FGD4: variants seen among roughly 807,000 people sequenced by gnomAD.
The protein encoded by FGD4 is FYVE, RhoGEF and PH domain containing 4.
A neutral mutation model predicts 102.0 loss-of-function variants in FGD4; 42 were observed. The ratio of observed to expected loss-of-function variants is 0.41; its 90% confidence interval spans 0.32 to 0.53. The LOEUF is 0.53. Among genes scored for constraint, FGD4 ranks in the 20% least tolerant of loss-of-function variants. The pLI, the probability that FGD4 is intolerant of heterozygous loss-of-function variation, is 0.21. For missense variants in FGD4, 902 were observed against 1,078.2 expected, an observed-to-expected ratio of 0.84 and a Z score of 2.29; for synonymous variants, 380 against 375.7, an observed-to-expected ratio of 1.01 and a Z score of -0.13.
At chr12:32,524,979 T>G (rs1049406730) in intron 1 of FGD4, among the ~76,000 whole-genome samples, 1 of 152,242 alleles carries the variant, frequency 6.6e-6, no homozygotes, top group African/African-American at 2.4e-5. Context: ...TACTAAGTTG[T>G]GTGTTTATGT....
At chr12:32,519,476 A>G (rs750930799) in intron 1 of FGD4, among the ~76,000 whole-genome samples, 1 of 152,164 alleles carries the variant, frequency 6.6e-6, no homozygotes, top group Non-Finnish European at 1.5e-5. Flanking sequence ...AAACTTACAT[A>G]CAGATCTTTT....
intron 1 of FGD4, among the ~76,000 whole-genome samples, chr12:32,420,037 C>T (rs954251001): frequency 6.6e-6 from 1 of 152,130 alleles, no homozygotes; most frequent in Non-Finnish European, 1.5e-5. Flanking sequence ...TGTGAATGCT[C>T]ACCTGATTTT....
At chr12:32,461,867 C>T (rs1207682908) in intron 1 of FGD4, among the ~76,000 whole-genome samples, 8 of 152,180 alleles carry the variant, frequency 5.3e-5, no homozygotes, top group South Asian at 2.1e-4. Flanking sequence ...GCTGGGATTA[C>T]GGGTGCCCGC....
At chr12:32,548,205 G>C (rs11052063) in intron 1 of FGD4, among the ~76,000 whole-genome samples, 63,871 of 151,916 alleles carry the variant, frequency 0.42, 15,313 homozygotes, top group African/African-American at 0.66. Flanking sequence ...GGGAGCATAC[G>C]CTAGTACCCT....
intron 1 of FGD4, among the ~76,000 whole-genome samples, chr12:32,515,647 T>C (rs1368113645): frequency 6.6e-6 from 1 of 152,276 alleles, no homozygotes; most frequent in Non-Finnish European, 1.5e-5. Context: ...TCTTTTCAGA[T>C]ATCTGCACTG....
At chr12:32,557,511 A>G (rs1299231509) in intron 1 of FGD4, among the ~76,000 whole-genome samples, 2 of 152,182 alleles carry the variant, frequency 1.3e-5, no homozygotes, top group African/African-American at 4.8e-5. Flanking sequence ...CATATGTTCT[A>G]TAGTGTTATA....
At chr12:32,409,664 C>T (rs1941117334) in intron 1 of FGD4, among the ~76,000 whole-genome samples, 1 of 152,116 alleles carries the variant, frequency 6.6e-6, no homozygotes, top group African/African-American at 2.4e-5. Flanking sequence ...GTCTCCCCAG[C>T]TGCCTGTTAC....
intron 1 of FGD4, among the ~76,000 whole-genome samples, chr12:32,545,571 T>G (rs572028703): frequency 6.6e-6 from 1 of 152,366 alleles, no homozygotes; most frequent in Non-Finnish European, 1.5e-5. Flanking sequence ...GAATGTGTAT[T>G]CTAGTAAAAC....
intron 10 of FGD4, among the ~76,000 whole-genome samples, chr12:32,617,871 G>A (rs942913684): frequency 1.3e-5 from 2 of 152,118 alleles, no homozygotes; most frequent in African/African-American, 2.4e-5. Flanking sequence ...TCTATCGTGC[G>A]GGAGCTCCCA....
chr12:32,428,749 C>G (rs7299360), intron 1 of FGD4, among the ~76,000 whole-genome samples: 2,002 of 150,870 alleles, frequency 0.013, 62 homozygotes, highest in African/African-American at 0.046. Flanking sequence ...TTTCTTTAAT[C>G]TTGTCTTGTG....
At chr12:32,438,399 T>TA (rs1479691637) in intron 1 of FGD4, among the ~76,000 whole-genome samples, 4 of 152,160 alleles carry the variant, frequency 2.6e-5, no homozygotes, top group East Asian at 1.9e-4. Flanking sequence ...ACTCTGTACT[T>TA]ACTGTACTTT....
intron 1 of FGD4, among the ~76,000 whole-genome samples, chr12:32,478,350 C>T (rs1415283014): frequency 6.6e-6 from 1 of 152,062 alleles, no homozygotes; most frequent in Non-Finnish European, 1.5e-5. Context: ...CTGCAGCCTC[C>T]GTCTCCCAGA....
At chr12:32,413,472 A>T (rs1030440674) in intron 1 of FGD4, among the ~76,000 whole-genome samples, 2 of 152,190 alleles carry the variant, frequency 1.3e-5, no homozygotes, top group Admixed American at 6.5e-5. Flanking sequence ...GGTAATTTTC[A>T]TCCTAGAAAG....
chr12:32,475,089 C>G (rs1943551947), intron 1 of FGD4, among the ~76,000 whole-genome samples: 1 of 152,176 alleles, frequency 6.6e-6, no homozygotes, highest in Non-Finnish European at 1.5e-5. Context: ...TTAGCTCGAT[C>G]TATATCCTTG....
At chr12:32,590,180 C>T (rs1592322190) in intron 4 of FGD4, among the ~76,000 whole-genome samples, 1 of 151,580 alleles carries the variant, frequency 6.6e-6, no homozygotes, top group Admixed American at 6.6e-5. Context: ...TGGTGGCAGG[C>T]GCCTATAATC....
chr12:32,472,375 C>T (rs1476799769), intron 1 of FGD4, among the ~76,000 whole-genome samples: 27 of 151,876 alleles, frequency 1.8e-4, no homozygotes, highest in East Asian at 3.9e-4. Flanking sequence ...TGGTGGGCCC[C>T]GCACTCGGAG....
chr12:32,489,183 T>A (rs1203145136), intron 1 of FGD4, among the ~76,000 whole-genome samples: 1 of 152,204 alleles, frequency 6.6e-6, no homozygotes, highest in Non-Finnish European at 1.5e-5. Context: ...GTGCCTGTAG[T>A]GCACATAAGT....
At chr12:32,538,712 C>T (rs1367133687) in intron 1 of FGD4, among the ~76,000 whole-genome samples, 5 of 152,054 alleles carry the variant, frequency 3.3e-5, no homozygotes, top group East Asian at 1.9e-4. Context: ...AAATCTGGAG[C>T]GATACTGTCT....
chr12:32,488,507 A>C (rs1943982193), intron 1 of FGD4, among the ~76,000 whole-genome samples: 1 of 151,688 alleles, frequency 6.6e-6, no homozygotes, highest in Admixed American at 6.6e-5. Context: ...TCAAGATCTC[A>C]GGGGATTTCT....
Sources: gnomAD v4.1 joint callset for allele counts (sites outside exome capture counted in the v4.1 genomes callset) on GRCh38, gnomAD v4.1.1 for gene constraint, MANE v1.5 for transcripts, NCBI Gene and HGNC (gene_info 2026-07-23, HGNC 2026-07-21) for gene names.